The following CSPP1 variants were observed in gnomAD, a reference collection of about 807,000 sequenced individuals.
The protein encoded by CSPP1 is centrosome and spindle pole associated protein 1.
A neutral mutation model predicts 164.4 loss-of-function variants in CSPP1; 126 were observed. That is an observed-to-expected ratio of 0.77 (90% CI 0.66 to 0.89). The LOEUF (loss-of-function observed/expected upper bound fraction) is 0.89. Ranked by LOEUF, CSPP1 falls within the 40% of genes least tolerant of loss-of-function variation. The pLI, the probability that CSPP1 is intolerant of heterozygous loss-of-function variation, is 0.00. For synonymous variants in CSPP1, 472 were observed against 476.7 expected (o/e 0.99, Z 0.13); for missense variants, 1,395 against 1,449.8 (o/e 0.96, Z 0.61).
At chr8:67,172,337 TTTC>T in intron 24 of CSPP1, 76 bp from the exon 25 acceptor site, 1 of 1,194,436 alleles carries the variant, frequency 8.4e-7, no homozygotes, top group East Asian at 2.4e-5. Flanking sequence ...AAAGACCAAA[TTTC>T]TTTTACAGTG....
chr8:67,144,632 G>C (rs1824130987), intron 17 of CSPP1, among the ~76,000 whole-genome samples: 1 of 151,832 alleles, frequency 6.6e-6, no homozygotes, highest in Non-Finnish European at 1.5e-5. Context: ...GTAGAAACAG[G>C]GTCTCACTAT....
In CSPP1 at chr8:67,161,921, T is replaced by C; in HGVS notation, c.2643+6T>C. The C allele has an allele frequency of 1.3e-6, 2 of 1,557,210 alleles. No homozygotes were observed. Among genetic ancestry groups the C allele is most frequent in the South Asian group, 1.1e-5 (1 of 89,224 alleles). On this transcript the variant is annotated splice_donor_region_variant and intron_variant, in intron 22 of 30. Coordinates refer to ENST00000678616, the MANE Select transcript of CSPP1 (RefSeq NM_001382391.1). ...TCATACGTTCCTTTATTCATGTATG[T>C]ACTTTTGTTTTTATTTGTTCATCCT...
intron 15 of CSPP1, among the ~76,000 whole-genome samples, chr8:67,121,260 T>C (rs1222472802): frequency 6.6e-6 from 1 of 152,208 alleles, no homozygotes; most frequent in Non-Finnish European, 1.5e-5. Flanking sequence ...TTCCTGATCT[T>C]AGAGGAAAAG....
rs1828918887 is a variant in CSPP1 at position 67,164,373 on chromosome 8, AT to A, written c.2711-17del. ...CTTATTCCTGTCTTGTGTTTTACTTATCAATGGGAATTTGCAGAGGAGAAAA... is the reference window on the plus strand; with the variant it reads ...CTTATTCCTGTCTTGTGTTTTACTTACAATGGGAATTTGCAGAGGAGAAAA... On this transcript the variant is annotated splice_polypyrimidine_tract_variant and intron_variant, in intron 23 of 30. Coordinates refer to ENST00000678616, the MANE Select transcript of CSPP1 (RefSeq NM_001382391.1). 5 of 1,144,782 alleles carry A rather than the reference AT, an allele frequency of 4.4e-6. No homozygotes were observed. The highest frequency in any genetic ancestry group is 6.6e-6 in the Non-Finnish European group (5 of 754,440). 70.9% of individuals were successfully genotyped at this position (1,144,782 alleles called of 1,614,324 possible).
At chr8:67,089,692 G>T (rs545478321) in intron 4 of CSPP1, among the ~76,000 whole-genome samples, 1 of 151,964 alleles carries the variant, frequency 6.6e-6, no homozygotes, top group African/African-American at 2.4e-5. Flanking sequence ...CAGAAAGTTT[G>T]GGCACATGGT....
intron 4 of CSPP1, among the ~76,000 whole-genome samples, chr8:67,089,837 T>G (rs1464748724): frequency 1.3e-5 from 2 of 151,564 alleles, no homozygotes; most frequent in Non-Finnish European, 2.9e-5. Flanking sequence ...AAAAAGTTTT[T>G]TTTTTGTTTT....
Position 67,131,198 on chromosome 8 carries a change from C to G in CSPP1, c.1698-753C>G, listed in dbSNP as rs189715496. Among the ~76,000 whole-genome samples, 382 of 152,188 alleles carry G rather than the reference C, an allele frequency of 2.5e-3. 1 individual carries two copies. The highest frequency in any genetic ancestry group is 4.3e-3 in the Non-Finnish European group (295 of 68,014). On this transcript the variant is annotated intron_variant, in intron 15 of 30. Coordinates refer to ENST00000678616, the MANE Select transcript of CSPP1 (RefSeq NM_001382391.1). ...TCACTTGAGCTTAGAAGTTCAAGACCAGCCTGGGCAACGTAGAAAGACTTC... is the reference window on the plus strand; with the variant it reads ...TCACTTGAGCTTAGAAGTTCAAGACGAGCCTGGGCAACGTAGAAAGACTTC...
chr8:67,082,350 T>A (rs941716355), intron 3 of CSPP1, among the ~76,000 whole-genome samples: 2 of 152,202 alleles, frequency 1.3e-5, no homozygotes, highest in Non-Finnish European at 2.9e-5. Context: ...GCACCCAGCC[T>A]TGTAGTTTTA....
At chr8:67,071,593 T>C (rs534587740) in intron 1 of CSPP1, among the ~76,000 whole-genome samples, 14 of 152,354 alleles carry the variant, frequency 9.2e-5, no homozygotes, top group Non-Finnish European at 1.9e-4. Context: ...CACATCTTAC[T>C]AGCTCCAACT....
chr8:67,118,607 C>A, intron 14 of CSPP1, 136 bp from the exon 15 acceptor site: 1 of 736,588 alleles, frequency 1.4e-6, no homozygotes, highest in Non-Finnish European at 2.2e-6. Flanking sequence ...TTGCTAACTT[C>A]TAGCCCAGAA....
At chr8:67,161,562 T>A (rs963202757) in intron 21 of CSPP1, among the ~76,000 whole-genome samples, 146 of 152,342 alleles carry the variant, frequency 9.6e-4, no homozygotes, top group African/African-American at 3.3e-3. Flanking sequence ...GTTGATTTTT[T>A]AAATCCTAAT....
chr8:67,094,749 C>A (rs555989178), intron 6 of CSPP1, among the ~76,000 whole-genome samples: 1 of 152,102 alleles, frequency 6.6e-6, no homozygotes, highest in East Asian at 1.9e-4. Flanking sequence ...AATATGTAAA[C>A]CACAATCAAG....
At chr8:67,113,203 C>CCAGT (rs1238091215) in intron 10 of CSPP1, among the ~76,000 whole-genome samples, 11 of 152,148 alleles carry the variant, frequency 7.2e-5, no homozygotes, top group African/African-American at 2.7e-4. Flanking sequence ...TGAGATAACG[C>CCAGT]CAGTGCATTC....
intron 9 of CSPP1, among the ~76,000 whole-genome samples, chr8:67,110,288 G>A (rs1316564006): frequency 1.3e-5 from 2 of 151,190 alleles, no homozygotes; most frequent in African/African-American, 4.9e-5. Flanking sequence ...CCTCACTAAA[G>A]ACCAACTTGA....
chr8:67,064,492 C>T lies in CSPP1; in HGVS notation c.-57C>T. On this transcript the variant is annotated 5_prime_UTR_variant, in exon 1 of 31. Transcript: ENST00000678616. Reference sequence around the variant, plus strand: ...GTCTCCCCGGACGCGAGCCCGCTCCCCTGAGTAAGAGTCAGCCAGCCGCGG... The same window carrying T: ...GTCTCCCCGGACGCGAGCCCGCTCCTCTGAGTAAGAGTCAGCCAGCCGCGG... The T allele has an allele frequency of 6.2e-7, 1 of 1,613,746 alleles. No individual in the cohort carries two copies. Among genetic ancestry groups the T allele is most frequent in the Non-Finnish European group, 8.5e-7 (1 of 1,179,882 alleles).
intron 1 of CSPP1, among the ~76,000 whole-genome samples, chr8:67,073,679 GAC>G (rs931265209): frequency 2.9e-4 from 44 of 152,202 alleles, no homozygotes; most frequent in African/African-American, 9.9e-4. Context: ...CAATTCTTAA[GAC>G]ACACACACTG....
At chr8:67,188,140 A>G (rs1043358112) in intron 28 of CSPP1, among the ~76,000 whole-genome samples, 1 of 152,260 alleles carries the variant, frequency 6.6e-6, no homozygotes, top group South Asian at 2.1e-4. Flanking sequence ...GACATGTCAG[A>G]TAAAGGACTG....
intron 26 of CSPP1, chr8:67,175,706 C>G: frequency 3.7e-6 from 2 of 544,812 alleles, no homozygotes; most frequent in Non-Finnish European, 6.8e-6. Flanking sequence ...GGCCAGGTGA[C>G]GTCTGCATCA....
At chr8:67,184,767 T>A (rs902840261) in intron 28 of CSPP1, among the ~76,000 whole-genome samples, 4 of 146,006 alleles carry the variant, frequency 2.7e-5, no homozygotes, top group East Asian at 2.0e-4. Context: ...ATAATAATAA[T>A]AAAGGTTGGG....
Sources: gnomAD v4.1 joint callset for allele counts (sites outside exome capture counted in the v4.1 genomes callset) on GRCh38, gnomAD v4.1.1 for gene constraint, MANE v1.5 for transcripts, NCBI Gene and HGNC (gene_info 2026-07-23, HGNC 2026-07-21) for gene names.